MVB12B: variants seen among roughly 807,000 people sequenced by gnomAD.
MVB12B encodes the protein ESCRT-I complex subunit MVB12B.
A neutral mutation model predicts 41.6 loss-of-function variants in MVB12B; 16 were observed. The observed-to-expected ratio is 0.38, with a 90% CI of 0.26 to 0.58. The LOEUF is 0.58. Among genes scored for constraint, MVB12B ranks in the 20% least tolerant of loss-of-function variants. The pLI is 0.62. For missense variants in MVB12B, 274 were observed against 380.2 expected, an observed-to-expected ratio of 0.72 and a Z score of 2.32; for synonymous variants, 133 against 139.7, an observed-to-expected ratio of 0.95 and a Z score of 0.34.
rs1406437318 is a variant in MVB12B at position 126,392,473 on chromosome 9, C to T, written c.539+278C>T. ...GTCCTTCCCCGACACCCTGTGATGC[C>T]ACTGGCCTCAGCTCTTCACACTCGT... is the stretch of plus-strand genomic sequence containing the variant. On this transcript the variant is annotated intron_variant, in intron 5 of 9. Transcript: ENST00000361171. This position sits in a 1 kb window ranked among gnomAD's most constrained non-coding sequence, Gnocchi z 4.8. 6.6e-6 allele frequency among the ~76,000 whole-genome samples: 1 copy of T among 152,210 alleles called. No individual in the cohort carries two copies. The highest frequency in any genetic ancestry group is 1.9e-4 in the East Asian group (1 of 5,194).
At chr9:126,396,205 T>A (rs1213734555) in intron 6 of MVB12B, 1 of 986,674 alleles carries the variant, frequency 1.0e-6, no homozygotes, top group African/African-American at 1.7e-5. Flanking sequence ...ATGCTAGTTT[T>A]AACAATTGTC....
intron 7 of MVB12B, among the ~76,000 whole-genome samples, chr9:126,461,617 G>A (rs1349000342): frequency 2.6e-5 from 4 of 152,208 alleles, no homozygotes; most frequent in Non-Finnish European, 5.9e-5. Flanking sequence ...AAGCAATAAA[G>A]CGAAATGTTT....
chr9:126,395,503 T>G lies in MVB12B; in HGVS notation c.540-72T>G, dbSNP rs542494402. 6.4e-7 allele frequency: 1 copy of G among 1,556,156 alleles called. No homozygotes were observed. Among genetic ancestry groups the G allele is most frequent in the Non-Finnish European group, 8.8e-7 (1 of 1,141,374 alleles). On this transcript the variant is annotated intron_variant, in intron 5 of 9. Transcript: ENST00000361171. This position sits in a 1 kb window ranked among gnomAD's most constrained non-coding sequence, Gnocchi z 4.9. ...GAGGCCATGACTCTTTTAAATGAAT[T>G]GGTTTGCTTTGTCACTCAGGTAAAT...
chr9:126,426,068 C>A (rs1832168662), intron 7 of MVB12B, among the ~76,000 whole-genome samples: 1 of 152,166 alleles, frequency 6.6e-6, no homozygotes. Flanking sequence ...AGTTTTATTG[C>A]AACACAGCCA....
rs1831099183 is a variant in MVB12B at position 126,395,893 on chromosome 9, TATAG to T, written c.662+197_662+200del. ...CATTACATGAATGCAAAGGCCATTCTATAGTCTATTTTGTGCGTGTTCTGCAGGC... is the reference window on the plus strand; with the variant it reads ...CATTACATGAATGCAAAGGCCATTCTTCTATTTTGTGCGTGTTCTGCAGGC... On this transcript the variant is annotated intron_variant, in intron 6 of 9. Coordinates refer to ENST00000361171, the MANE Select transcript of MVB12B (RefSeq NM_033446.3). The surrounding 1 kb of genome is among the most constrained non-coding windows in gnomAD (Gnocchi z 4.9). The T allele has an allele frequency of 7.1e-7, 1 of 1,404,284 alleles. No homozygotes were observed. The highest frequency in any genetic ancestry group is 9.2e-7 in the Non-Finnish European group (1 of 1,082,434). 87.0% of individuals were successfully genotyped at this position (1,404,284 alleles called of 1,614,324 possible). A position where few individuals can be genotyped will look rare whatever the true frequency, so the allele number is the denominator to read the frequency against.
chr9:126,437,921 C>T (rs1391966903), intron 7 of MVB12B, among the ~76,000 whole-genome samples: 1 of 152,080 alleles, frequency 6.6e-6, no homozygotes, highest in African/African-American at 2.4e-5. Context: ...AGTGGTTTTT[C>T]CACAGAAGTT....
At chr9:126,503,067 C>A in intron 9 of MVB12B, 110 bp from the exon 10 acceptor site, 1 of 955,306 alleles carries the variant, frequency 1.0e-6, no homozygotes, top group Non-Finnish European at 1.7e-6. Flanking sequence ...TGTCAAGATG[C>A]CCCACGAGGC....
chr9:126,437,635 T>G (rs1283802395), intron 7 of MVB12B, among the ~76,000 whole-genome samples: 1 of 152,262 alleles, frequency 6.6e-6, no homozygotes, highest in Non-Finnish European at 1.5e-5. Flanking sequence ...TATATTAATC[T>G]CTTCTTTTCA....
At chr9:126,491,338 A>G (rs956381445) in intron 9 of MVB12B, among the ~76,000 whole-genome samples, 3 of 152,214 alleles carry the variant, frequency 2.0e-5, no homozygotes, top group African/African-American at 7.2e-5. Context: ...CAGCGTCCCA[A>G]TTTTATAAAA....
At chr9:126,425,663 T>G (rs569108665) in intron 7 of MVB12B, among the ~76,000 whole-genome samples, 80 of 152,362 alleles carry the variant, frequency 5.3e-4, no homozygotes, top group African/African-American at 1.8e-3. Context: ...TCATTCGAGT[T>G]CCTCAGAGAT....
intron 2 of MVB12B, among the ~76,000 whole-genome samples, chr9:126,349,157 T>A (rs1747946856): frequency 6.6e-6 from 1 of 151,954 alleles, no homozygotes; most frequent in Non-Finnish European, 1.5e-5. Context: ...ACAGTTAGGA[T>A]TGATTAAGTT....
At chr9:126,407,408 T>C (rs1351596940) in intron 6 of MVB12B, among the ~76,000 whole-genome samples, 2 of 152,184 alleles carry the variant, frequency 1.3e-5, no homozygotes, top group African/African-American at 2.4e-5. Context: ...TGGCCGGCAT[T>C]TCCTGTCACG....
intron 7 of MVB12B, among the ~76,000 whole-genome samples, chr9:126,423,249 A>G (rs529641165): frequency 6.6e-6 from 1 of 152,266 alleles, no homozygotes; most frequent in East Asian, 1.9e-4. Context: ...CAGCTCACAA[A>G]TCTTTTTCCA....
rs1834007945 is a variant in MVB12B at position 126,503,577 on chromosome 9, G to A, written c.*314G>A. 1 of 403,598 alleles carries A rather than the reference G, an allele frequency of 2.5e-6. No individual in the cohort carries two copies. Among genetic ancestry groups the A allele is most frequent in the South Asian group, 3.6e-5 (1 of 28,018 alleles). 25.0% of individuals were successfully genotyped at this position (403,598 alleles called of 1,614,324 possible). Reference sequence around the variant, plus strand: ...CTCACTCACCACGGAGTCACCCTGAGGGCCCCGGGCAGTTGCCCTGGCCGC... The same window carrying A: ...CTCACTCACCACGGAGTCACCCTGAAGGCCCCGGGCAGTTGCCCTGGCCGC... On this transcript the variant is annotated 3_prime_UTR_variant, in exon 10 of 10. Coordinates refer to ENST00000361171, the MANE Select transcript of MVB12B (RefSeq NM_033446.3).
intron 2 of MVB12B, among the ~76,000 whole-genome samples, chr9:126,345,689 C>T (rs1829567827): frequency 6.6e-6 from 1 of 152,238 alleles, no homozygotes; most frequent in Non-Finnish European, 1.5e-5. Flanking sequence ...GTCTTACTTC[C>T]TTCTGCTCAT....
intron 2 of MVB12B, among the ~76,000 whole-genome samples, chr9:126,348,232 G>A (rs1829652034): frequency 6.6e-6 from 1 of 152,194 alleles, no homozygotes; most frequent in Admixed American, 6.5e-5. Flanking sequence ...AGTGGTTTTT[G>A]TAACTAGCCC....
chr9:126,371,390 G>A (rs944400214), intron 2 of MVB12B, among the ~76,000 whole-genome samples: 3 of 152,222 alleles, frequency 2.0e-5, no homozygotes, highest in Non-Finnish European at 4.4e-5. Context: ...TTCCTGTCTC[G>A]TGGGCCCCCC....
At chr9:126,489,996 G>GGGCTGTTGTC (rs1554786371) in intron 9 of MVB12B, among the ~76,000 whole-genome samples, 5 of 152,156 alleles carry the variant, frequency 3.3e-5, no homozygotes, top group South Asian at 2.1e-4. Context: ...TCCCAGTGAA[G>GGGCTGTTGTC]CCCTTACGGT....
At chr9:126,467,859 C>A (rs929857744) in intron 7 of MVB12B, among the ~76,000 whole-genome samples, 2 of 152,196 alleles carry the variant, frequency 1.3e-5, no homozygotes, top group Non-Finnish European at 2.9e-5. Context: ...CCAAACAGCT[C>A]CTGTCTCTTT....
Sources: allele counts gnomAD v4.1 joint callset (sites outside exome capture counted in the v4.1 genomes callset), GRCh38; gene constraint gnomAD v4.1.1; non-coding constraint Gnocchi (gnomAD v3.1); transcripts MANE v1.5; gene names NCBI Gene and HGNC (gene_info 2026-07-23, HGNC 2026-07-21).